Variants in GPR89B observed in about 807,000 individuals in gnomAD.
GPR89B encodes G protein-coupled receptor 89B.
In GPR89B, 25 loss-of-function variants were observed where a neutral mutation model predicts 52.4. The observed-to-expected ratio is 0.48, with a 90% CI of 0.35 to 0.67. The LOEUF is 0.67. Ranked by LOEUF, GPR89B falls within the 30% of genes least tolerant of loss-of-function variation. The probability of loss-of-function intolerance (pLI) is 0.01; values close to 1 mark genes in which losing one functional copy is unlikely to be tolerated. For synonymous variants in GPR89B, 52 were observed against 151.2 expected, an observed-to-expected ratio of 0.34 and a Z score of 4.81; for missense variants, 146 against 450.2, an observed-to-expected ratio of 0.32 and a Z score of 6.11.
intron 10 of GPR89B, among the ~76,000 whole-genome samples, chr1:147,980,837 A>C (rs1658190521): frequency 6.7e-6 from 1 of 149,824 alleles, no homozygotes; most frequent in Non-Finnish European, 1.5e-5. Context: ...AAAAAAAAAA[A>C]AAAAAAAAAG....
At chr1:148,007,035 G>T in the GPR89B span, among the ~76,000 whole-genome samples, 1 of 149,440 alleles carries the variant, frequency 6.7e-6, no homozygotes, top group Admixed American at 6.6e-5. Flanking sequence ...GCTTCTCTTT[G>T]TCATATCTGA....
At chr1:147,973,543 A>G (rs1657622722) in intron 10 of GPR89B, among the ~76,000 whole-genome samples, 1 of 151,858 alleles carries the variant, frequency 6.6e-6, no homozygotes, top group Non-Finnish European at 1.5e-5. Flanking sequence ...AATTTGTTTA[A>G]GTTCCTTGTA....
At chr1:147,997,990 A>T (rs1659356357), downstream of GPR89B, among the ~76,000 whole-genome samples, 1 of 152,198 alleles carries the variant, frequency 6.6e-6, no homozygotes, top group Non-Finnish European at 1.5e-5. Context: ...CTCCTAATTC[A>T]TATCAACTCC....
downstream of GPR89B, chr1:147,994,302 C>T (rs1659259881): frequency 1.3e-6 from 2 of 1,525,642 alleles, no homozygotes; most frequent in African/African-American, 2.8e-5. Context: ...TTGTTTTCAT[C>T]ACATCTCTGT....
chr1:147,993,935 G>A (rs1659249116), downstream of GPR89B: 1 of 203,294 alleles, frequency 4.9e-6, no homozygotes. Context: ...CTGCTAAGAT[G>A]CTTTTATAAG....
the GPR89B span, among the ~76,000 whole-genome samples, chr1:148,017,104 C>G: frequency 1.3e-5 from 2 of 151,642 alleles, no homozygotes; most frequent in South Asian, 2.1e-4. Flanking sequence ...TGCAGTGGCG[C>G]GATATTGGCT....
intron 8 of GPR89B, chr1:147,968,058 G>C (rs1327838757): frequency 1.4e-5 from 5 of 349,900 alleles, no homozygotes; most frequent in Non-Finnish European, 2.8e-5. Flanking sequence ...ATTTTAGAAG[G>C]GGCTATATTT....
chr1:147,931,946 G>C lies in GPR89B; in HGVS notation c.42+3368G>C, dbSNP rs55831139. On this transcript the variant is annotated intron_variant, in intron 1 of 13. Transcript: ENST00000314163. ...CTGAAAGTCTTTTTAAGCTTTCTTT[G>C]TCAATGTGAAAGGAGGCCACAATGA... Among the ~76,000 whole-genome samples the C allele has an allele frequency of 2.0e-5, 3 of 151,770 alleles. No individual in the cohort carries two copies. In the East Asian group the frequency reaches 5.8e-4, roughly 29 times the overall value.
intron 7 of GPR89B, among the ~76,000 whole-genome samples, chr1:147,959,017 T>A (rs1377864285): frequency 7.2e-6 from 1 of 139,354 alleles, no homozygotes; most frequent in African/African-American, 2.8e-5. Flanking sequence ...CAAAATAAAA[T>A]TTTTTTTAAT....
intron 10 of GPR89B, among the ~76,000 whole-genome samples, chr1:147,982,929 A>AGTT (rs1658381568): frequency 5.9e-5 from 9 of 152,180 alleles, no homozygotes; most frequent in Non-Finnish European, 1.3e-4. Context: ...GAGTTCACTC[A>AGTT]TGATTTGTCT....
chr1:148,012,028 C>T, the GPR89B span: 10 of 152,156 alleles, frequency 6.6e-5, no homozygotes, highest in African/African-American at 2.2e-4. Context: ...AGATCAGCAA[C>T]GTTTGGAGAG....
the GPR89B span, among the ~76,000 whole-genome samples, chr1:148,002,545 A>G: frequency 6.6e-6 from 1 of 152,150 alleles, no homozygotes; most frequent in East Asian, 1.9e-4. Flanking sequence ...TAATTACTGT[A>G]TCTTCTCCAA....
At chr1:147,962,243 G>A (rs1289885998) in intron 7 of GPR89B, among the ~76,000 whole-genome samples, 2 of 150,374 alleles carry the variant, frequency 1.3e-5, no homozygotes, top group African/African-American at 4.9e-5. Flanking sequence ...GACCAATATG[G>A]CGAAACCCCG....
chr1:148,025,051 T>C, the GPR89B span, among the ~76,000 whole-genome samples: 1 of 152,064 alleles, frequency 6.6e-6, no homozygotes, highest in Admixed American at 6.5e-5. Context: ...ATCGACACCA[T>C]CCTTTTCACC....
intron 7 of GPR89B, among the ~76,000 whole-genome samples, chr1:147,963,116 GCC>G: frequency 1.3e-5 from 2 of 148,964 alleles, no homozygotes; most frequent in Non-Finnish European, 3.0e-5. Context: ...GGTGGCTCAC[GCC>G]TGTAATCCCA....
chr1:147,947,129 G>GT (rs1274387674), intron 5 of GPR89B, among the ~76,000 whole-genome samples: 1 of 152,044 alleles, frequency 6.6e-6, no homozygotes, highest in Non-Finnish European at 1.5e-5. Flanking sequence ...GAGGCCAGGA[G>GT]TTAGAGACCA....
At chr1:148,020,884 C>T in the GPR89B span, among the ~76,000 whole-genome samples, 1 of 151,524 alleles carries the variant, frequency 6.6e-6, no homozygotes, top group African/African-American at 2.4e-5. Flanking sequence ...GACGGGGTTT[C>T]ACCATGTTGG....
intron 5 of GPR89B, among the ~76,000 whole-genome samples, chr1:147,949,636 C>T (rs1655379461): frequency 7.2e-6 from 1 of 138,818 alleles, no homozygotes. Flanking sequence ...ACCCCCCCAC[C>T]TCCCTCCCGG....
At chr1:147,974,055 GT>G (rs1173796740) in intron 10 of GPR89B, among the ~76,000 whole-genome samples, 3 of 151,838 alleles carry the variant, frequency 2.0e-5, no homozygotes, top group Non-Finnish European at 2.9e-5. Flanking sequence ...GTACCATGCT[GT>G]TTTGGTCACT....
Sources: gnomAD v4.1 joint callset for allele counts (sites outside exome capture counted in the v4.1 genomes callset) on GRCh38, gnomAD v4.1.1 for gene constraint, MANE v1.5 for transcripts, NCBI Gene and HGNC (gene_info 2026-07-23, HGNC 2026-07-21) for gene names.